KNTC1: variants seen among roughly 807,000 people sequenced by gnomAD.
KNTC1 encodes kinetochore associated 1.
A neutral mutation model predicts 314.4 loss-of-function variants in KNTC1; 253 were observed. The ratio of observed to expected loss-of-function variants is 0.80; its 90% confidence interval spans 0.73 to 0.89. The LOEUF is 0.89. Ranked by LOEUF, KNTC1 falls within the 40% of genes least tolerant of loss-of-function variation. The pLI is 0.00. For missense variants in KNTC1, 2,475 were observed against 2,572.9 expected (o/e 0.96, Z 0.82); for synonymous variants, 901 against 901.4 (o/e 1.00, Z 0.01).
chr12:122,621,947 C>T lies in KNTC1; in HGVS notation c.6346C>T (p.Gln2116Ter), dbSNP rs1434971875. Residue 2116 changes from glutamine (Q) to a stop codon, truncating the protein, a stop_gained, in exon 61 of 64, where the codon CAG (glutamine) becomes TAG (stop). Coordinates refer to ENST00000333479, the MANE Select transcript of KNTC1 (RefSeq NM_014708.6). LOFTEE classifies it high-confidence loss of function. ...ATTGGAAGAGCATATGAACACGGGC[C>T]AGCTAGCAGGATTTTCACATCAAGT... ...KQLEEHMNTG[Q>*]LAGFSHQIRS... is the part of the protein sequence containing the mutation. 1 of 1,608,078 alleles carries T rather than the reference C, an allele frequency of 6.2e-7. No homozygotes were observed. The highest frequency in any genetic ancestry group is 1.3e-5 in the African/African-American group (1 of 74,820).
intron 51 of KNTC1, among the ~76,000 whole-genome samples, chr12:122,606,887 A>C (rs1872641304): frequency 1.3e-5 from 2 of 152,192 alleles, no homozygotes; most frequent in Admixed American, 1.3e-4. Flanking sequence ...GATTTTCTCT[A>C]ATCCAACCAT....
At position 122,547,330 on chromosome 12, in the gene KNTC1, G is replaced by A. The variant is rs908038651; in HGVS notation, c.817-85G>A. ...GTGGAGGTTGCAGTGAGCCGAGATCGCACCATTGCACTCCAGCCTGGGCGA... is the reference window on the plus strand; with the variant it reads ...GTGGAGGTTGCAGTGAGCCGAGATCACACCATTGCACTCCAGCCTGGGCGA... On this transcript the variant is annotated intron_variant, in intron 10 of 63. Transcript: ENST00000333479. 25 of 737,186 alleles carry A rather than the reference G, an allele frequency of 3.4e-5. 1 individual carries two copies. Among genetic ancestry groups the A allele is most frequent in the South Asian group, 2.3e-4 (14 of 60,702 alleles). The allele number at this position is 737,186 out of a possible 1,614,324, so 45.7% of individuals were successfully genotyped here. A position where few individuals can be genotyped will look rare whatever the true frequency, so the allele number is the denominator to read the frequency against.
chr12:122,534,649 T>G lies in KNTC1; in HGVS notation c.130-15T>G. 1 of 1,596,810 alleles carries G rather than the reference T, an allele frequency of 6.3e-7. No homozygotes were observed. Among genetic ancestry groups the G allele is most frequent in the South Asian group, 1.1e-5 (1 of 88,932 alleles). On this transcript the variant is annotated splice_polypyrimidine_tract_variant and intron_variant, in intron 2 of 63. Coordinates refer to ENST00000333479, the MANE Select transcript of KNTC1 (RefSeq NM_014708.6). ...AAAAATGTTTGAATTTTCATCATGC[T>G]TTTCTCTCCCACAGGCCTCATTAAA... is the stretch of plus-strand genomic sequence containing the variant.
chr12:122,597,952 G>A lies in KNTC1; in HGVS notation c.4563+14G>A. The stretch of plus-strand genomic sequence containing the variant: ...ATACTACATAAGGTAGACACACAGT[G>A]AAATGAATCGGGTCATCTCAGCCAT... On this transcript the variant is annotated intron_variant, in intron 44 of 63. Coordinates refer to ENST00000333479, the MANE Select transcript of KNTC1 (RefSeq NM_014708.6). The A allele has an allele frequency of 6.2e-7, 1 of 1,605,724 alleles. No homozygotes were observed. Among genetic ancestry groups the A allele is most frequent in the Non-Finnish European group, 8.5e-7 (1 of 1,172,440 alleles).
At chr12:122,570,068 C>T (rs1024567893) in intron 22 of KNTC1, among the ~76,000 whole-genome samples, 1 of 152,146 alleles carries the variant, frequency 6.6e-6, no homozygotes, top group Non-Finnish European at 1.5e-5. Flanking sequence ...AGACTAACAT[C>T]ACATGTTCTC....
chr12:122,568,508 T>TG (rs1180725830), intron 21 of KNTC1, 136 bp downstream of exon 21: 2 of 712,258 alleles, frequency 2.8e-6, no homozygotes, highest in African/African-American at 1.8e-5. Flanking sequence ...AAATATGACT[T>TG]GCTTTTGTTT....
intron 53 of KNTC1, chr12:122,612,887 A>G: frequency 2.0e-6 from 1 of 508,320 alleles, no homozygotes; most frequent in East Asian, 3.2e-5. Context: ...GTATCATGAA[A>G]ACAGCTTTGA....
intron 6 of KNTC1, 42 bp from the exon 7 acceptor site, chr12:122,543,558 G>T (rs375118413): frequency 7.5e-5 from 102 of 1,356,438 alleles, no homozygotes; most frequent in Non-Finnish European, 1.0e-4. Flanking sequence ...TTATTTTGTA[G>T]ATTAATACTA....
At chr12:122,555,577 C>T (rs565192344) in intron 16 of KNTC1, among the ~76,000 whole-genome samples, 4 of 150,356 alleles carry the variant, frequency 2.7e-5, no homozygotes, top group East Asian at 4.0e-4. Flanking sequence ...GGGCCGGGCG[C>T]GGTGGCTCAC....
intron 51 of KNTC1, among the ~76,000 whole-genome samples, chr12:122,607,614 A>G (rs967012854): frequency 3.3e-5 from 5 of 152,200 alleles, no homozygotes. Flanking sequence ...ATGTTAATTT[A>G]GGTAACTTGG....
At position 122,601,534 on chromosome 12, in the gene KNTC1, A is replaced by G. The variant is rs1250387930; in HGVS notation, c.4564-2A>G. Reference sequence around the variant, plus strand: ...TTTTGATATATTTTTGTTTTTATACAGTTGGATCCTTATGACTATGAAATG... The same window carrying G: ...TTTTGATATATTTTTGTTTTTATACGGTTGGATCCTTATGACTATGAAATG... On this transcript the variant is annotated splice_acceptor_variant, in intron 44 of 63. Coordinates refer to ENST00000333479, the MANE Select transcript of KNTC1 (RefSeq NM_014708.6). LOFTEE classifies it high-confidence loss of function. 3 of 1,522,318 alleles carry G rather than the reference A, an allele frequency of 2.0e-6. No homozygotes were observed. The highest frequency in any genetic ancestry group is 2.6e-6 in the Non-Finnish European group (3 of 1,138,568). 94.3% of individuals were successfully genotyped at this position (1,522,318 alleles called of 1,614,324 possible). A position where few individuals can be genotyped will look rare whatever the true frequency, so the allele number is the denominator to read the frequency against.
rs1965294049 is a variant in KNTC1, at chr12:122,579,938, TC to T, written c.2877del (p.Val960TrpfsTer25). On this transcript the variant is annotated frameshift_variant, in exon 32 of 64. Transcript: ENST00000333479. LOFTEE classifies it high-confidence loss of function. ...CTGGAGAATGTCTGTAGCGAAGACA[TC>T]CGTGGACATTCTTAAGATACTATGT... is the stretch of plus-strand genomic sequence containing the variant. ...KAWRMSVAKTSVDILKILCDI... is the reference protein window; with the variant it reads ...KAWRMSVAKTXVDILKILCDI... 1 of 1,611,174 alleles carries T rather than the reference TC, an allele frequency of 6.2e-7. No homozygotes were observed. The highest frequency in any genetic ancestry group is 1.7e-5 in the Admixed American group (1 of 59,970).
chr12:122,549,689 C>T (rs1041281577), intron 12 of KNTC1, 77 bp from the exon 13 acceptor site: 3 of 763,274 alleles, frequency 3.9e-6, no homozygotes, highest in African/African-American at 1.7e-5. Flanking sequence ...TTAATCTGCT[C>T]TTAATTGTGA....
chr12:122,551,409 C>T (rs774055719), intron 14 of KNTC1, 47 bp downstream of exon 14: 14 of 1,557,778 alleles, frequency 9.0e-6, no homozygotes, highest in Admixed American at 5.6e-5. Flanking sequence ...TTAAATTTTA[C>T]GTATTAATAT....
At chr12:122,587,950 C>T in intron 39 of KNTC1, 76 bp downstream of exon 39, 1 of 1,236,808 alleles carries the variant, frequency 8.1e-7, no homozygotes, top group South Asian at 1.6e-5. Flanking sequence ...ATTTGGAGTC[C>T]ACGTTTTCCT....
Position 122,577,737 on chromosome 12 carries a change from A to G in KNTC1, c.2787A>G (p.Arg929=), listed in dbSNP as rs760201293. 6.2e-6 allele frequency: 10 copies of G among 1,613,872 alleles called. No individual in the cohort carries two copies. In the South Asian group the frequency reaches 1.1e-4, roughly 18 times the overall value. ...PPAEAEKTAE[R]VIIWARLALQ... is the part of the protein sequence containing the mutation. ...CTGAAGCTGAGAAAACTGCAGAAAG[A>G]GTCATCATATGGGCACGACTGGCAT... Residue 929 remains arginine, a synonymous_variant, in exon 31 of 64, where the codon AGA becomes AGG. Coordinates refer to ENST00000333479, the MANE Select transcript of KNTC1 (RefSeq NM_014708.6).
Position 122,622,618 on chromosome 12 carries a change from T to TAAAA in KNTC1, c.6515+21_6515+24dup. On this transcript the variant is annotated intron_variant, in intron 62 of 63. Transcript: ENST00000333479. ...GGCAAATGACTTAAGGTAAGTTAAT[T>TAAAA]AAAAAAAAAAAAACTTACTGTGGAA... is the stretch of plus-strand genomic sequence containing the variant. 2.4e-6 allele frequency: 3 copies of TAAAA among 1,235,942 alleles called. No individual in the cohort carries two copies. The highest frequency in any genetic ancestry group is 2.2e-6 in the Non-Finnish European group (2 of 923,798). 76.6% of individuals were successfully genotyped at this position (1,235,942 alleles called of 1,614,324 possible). A position where few individuals can be genotyped will look rare whatever the true frequency, so the allele number is the denominator to read the frequency against.
At chr12:122,603,814 C>T (rs1386085776) in intron 48 of KNTC1, among the ~76,000 whole-genome samples, 4 of 152,114 alleles carry the variant, frequency 2.6e-5, no homozygotes, top group Non-Finnish European at 5.9e-5. Context: ...AATGAGGAAT[C>T]TTTAGATAGT....
chr12:122,603,546 G>A (rs1298431028), intron 48 of KNTC1, among the ~76,000 whole-genome samples: 3 of 151,878 alleles, frequency 2.0e-5, no homozygotes, highest in Non-Finnish European at 1.5e-5. Flanking sequence ...AGGCTGGAGT[G>A]TAGTGGCATG....
Sources: allele counts gnomAD v4.1 joint callset (sites outside exome capture counted in the v4.1 genomes callset), GRCh38; gene constraint gnomAD v4.1.1; transcripts MANE v1.5; gene names NCBI Gene and HGNC (gene_info 2026-07-23, HGNC 2026-07-21).